Variants in CADM2 observed in about 807,000 individuals in gnomAD.
The protein encoded by CADM2 is immunoglobulin superfamily member 4D.
A neutral mutation model predicts 49.8 loss-of-function variants in CADM2; 12 were observed. The observed-to-expected ratio is 0.24, with a 90% CI of 0.15 to 0.39. The LOEUF is 0.39. Among genes scored for constraint, CADM2 ranks in the 10% least tolerant of loss-of-function variants. The probability of loss-of-function intolerance (pLI) is 1.00; values close to 1 mark genes in which losing one functional copy is unlikely to be tolerated. For synonymous variants in CADM2, 214 were observed against 175.4 expected, an observed-to-expected ratio of 1.22 and a Z score of -1.74; for missense variants, 378 against 492.3, an observed-to-expected ratio of 0.77 and a Z score of 2.20.
chr3:85,019,218 C>G (rs1385652403), intron 1 of CADM2, among the ~76,000 whole-genome samples: 1 of 152,170 alleles, frequency 6.6e-6, no homozygotes, highest in African/African-American at 2.4e-5. Flanking sequence ...TGTGGTGGCT[C>G]AAGCCTATAA....
chr3:85,085,108 A>G (rs2037318853), intron 1 of CADM2, among the ~76,000 whole-genome samples: 1 of 152,166 alleles, frequency 6.6e-6, no homozygotes, highest in Non-Finnish European at 1.5e-5. Flanking sequence ...GGCAATTTCC[A>G]GGTATGAATT....
At chr3:85,916,235 T>C (rs1056795676) in intron 6 of CADM2, among the ~76,000 whole-genome samples, 12 of 152,152 alleles carry the variant, frequency 7.9e-5, no homozygotes, top group African/African-American at 2.9e-4. Context: ...GTTAGTTACA[T>C]ATGTATACAT....
At chr3:85,836,837 G>A (rs1156822656) in intron 3 of CADM2, among the ~76,000 whole-genome samples, 2 of 151,506 alleles carry the variant, frequency 1.3e-5, no homozygotes, top group Admixed American at 1.3e-4. Context: ...GAGCAAAATG[G>A]CATCTATACA....
intron 1 of CADM2, among the ~76,000 whole-genome samples, chr3:85,108,503 C>G (rs1185073913): frequency 6.6e-6 from 1 of 152,002 alleles, no homozygotes; most frequent in African/African-American, 2.4e-5. Flanking sequence ...TTCACCAAGA[C>G]AGAATGTTGA....
intron 1 of CADM2, among the ~76,000 whole-genome samples, chr3:85,156,370 C>T (rs1244478965): frequency 1.3e-5 from 2 of 151,656 alleles, no homozygotes; most frequent in Non-Finnish European, 1.5e-5. Context: ...ACTAGAAAAT[C>T]TAGAAGAAAT....
At chr3:85,613,128 C>CT (rs950203954) in intron 1 of CADM2, among the ~76,000 whole-genome samples, 2 of 151,666 alleles carry the variant, frequency 1.3e-5, no homozygotes, top group African/African-American at 4.8e-5. Context: ...GTGAAAAGCT[C>CT]TTTTCTAATG....
intron 1 of CADM2, among the ~76,000 whole-genome samples, chr3:85,223,213 G>A (rs977680069): frequency 6.6e-6 from 1 of 152,110 alleles, no homozygotes; most frequent in Non-Finnish European, 1.5e-5. Context: ...TTTTTATCAA[G>A]TTCAATGAGA....
chr3:85,673,531 CT>C (rs1418305165), intron 1 of CADM2, among the ~76,000 whole-genome samples: 1 of 149,064 alleles, frequency 6.7e-6, no homozygotes, highest in Non-Finnish European at 1.5e-5. Context: ...CCAAAATAAT[CT>C]TTTATTTAAG....
intron 5 of CADM2, among the ~76,000 whole-genome samples, chr3:85,897,225 T>C: frequency 6.9e-6 from 1 of 143,922 alleles, no homozygotes; most frequent in Non-Finnish European, 1.5e-5. Context: ...ACAACAATAA[T>C]TGCTTTAACC....
chr3:85,854,690 G>T (rs1446793741), intron 3 of CADM2, among the ~76,000 whole-genome samples: 2 of 152,150 alleles, frequency 1.3e-5, no homozygotes, highest in East Asian at 3.9e-4. Flanking sequence ...ATGACGAGTT[G>T]ATGGGTGCAG....
At chr3:85,791,010 A>G (rs1453762462) in intron 2 of CADM2, among the ~76,000 whole-genome samples, 2 of 152,206 alleles carry the variant, frequency 1.3e-5, no homozygotes, top group Non-Finnish European at 2.9e-5. Flanking sequence ...ATAAAATATT[A>G]TGTGGTTGCC....
intron 1 of CADM2, among the ~76,000 whole-genome samples, chr3:85,487,377 T>A (rs1466040453): frequency 1.3e-5 from 2 of 151,938 alleles, no homozygotes; most frequent in African/African-American, 4.8e-5. Flanking sequence ...AGTAAATAAA[T>A]AAACCGGACA....
intron 7 of CADM2, among the ~76,000 whole-genome samples, chr3:85,943,053 T>A (rs1722152245): frequency 6.6e-6 from 1 of 152,076 alleles, no homozygotes; most frequent in Admixed American, 6.6e-5. Flanking sequence ...GGTATCTCAT[T>A]GTAGTTTTGA....
At chr3:85,155,990 A>T (rs2040103930) in intron 1 of CADM2, among the ~76,000 whole-genome samples, 1 of 152,222 alleles carries the variant, frequency 6.6e-6, no homozygotes, top group Non-Finnish European at 1.5e-5. Context: ...AGAAAGCAGG[A>T]AAGATCCAAA....
At chr3:85,568,966 C>T (rs1287417871) in intron 1 of CADM2, among the ~76,000 whole-genome samples, 5 of 152,116 alleles carry the variant, frequency 3.3e-5, no homozygotes, top group African/African-American at 9.7e-5. Flanking sequence ...TCAAACGTCT[C>T]AATTTGACAT....
chr3:85,726,514 G>A lies in CADM2; in HGVS notation c.62-8G>A. 1 of 1,612,092 alleles carries A rather than the reference G, an allele frequency of 6.2e-7. No individual in the cohort carries two copies. The highest frequency in any genetic ancestry group is 1.1e-5 in the South Asian group (1 of 91,010). On this transcript the variant is annotated splice_polypyrimidine_tract_variant and splice_region_variant and intron_variant, in intron 1 of 9. Transcript: ENST00000383699. ...TTCTCTTCTTGTGCAACCTTTCCTT[G>A]GTACCAGCGGCTGCTTCAAAGAATA...
intron 1 of CADM2, among the ~76,000 whole-genome samples, chr3:85,158,007 A>G (rs1240324654): frequency 6.6e-6 from 1 of 152,192 alleles, no homozygotes; most frequent in African/African-American, 2.4e-5. Context: ...AAAAACAAAC[A>G]ATCCCATCAA....
intron 1 of CADM2, among the ~76,000 whole-genome samples, chr3:85,359,666 A>ATATATTTTTTTTT: frequency 1.5e-4 from 4 of 26,554 alleles, no homozygotes; most frequent in Non-Finnish European, 3.3e-4. Context: ...ATATATATAT[A>ATATATTTTTTTTT]TTTTTTTTTT....
intron 1 of CADM2, among the ~76,000 whole-genome samples, chr3:85,562,881 A>G (rs759618345): frequency 1.2e-4 from 18 of 152,154 alleles, no homozygotes; most frequent in Non-Finnish European, 2.4e-4. Context: ...GTATGCATAA[A>G]TACCTAATTT....
Sources: gnomAD v4.1 joint callset for allele counts (sites outside exome capture counted in the v4.1 genomes callset) on GRCh38, gnomAD v4.1.1 for gene constraint, MANE v1.5 for transcripts, NCBI Gene and HGNC (gene_info 2026-07-23, HGNC 2026-07-21) for gene names.